CAPN2: variants seen among roughly 807,000 people sequenced by gnomAD.
CAPN2 encodes calpain-2 catalytic subunit.
A neutral mutation model predicts 102.3 loss-of-function variants in CAPN2; 92 were observed. The ratio of observed to expected loss-of-function variants is 0.90; its 90% CI spans 0.76 to 1.07. CAPN2 has a LOEUF of 1.07. CAPN2 is among the 50% of genes least tolerant of loss of function. The pLI is 0.00. For synonymous variants in CAPN2, 340 were observed against 355.4 expected (o/e 0.96, Z 0.49); for missense variants, 800 against 909.4 (o/e 0.88, Z 1.55).
In CAPN2 at chr1:223,745,447, GCCATCCTCCCCTGGCC is replaced by G. The variant is rs1427065515; in HGVS notation, c.560+13_560+28del. ...GGAGAAGGCATACGCCAAGTAAGTT[GCCATCCTCCCCTGGCC>G]CCATGGCCTTCCCCCAATGCCCTGG... On this transcript the variant is annotated intron_variant, in intron 4 of 20. Coordinates refer to ENST00000295006, the MANE Select transcript of CAPN2 (RefSeq NM_001748.5). The G allele has an allele frequency of 6.2e-7, 1 of 1,614,012 alleles. No homozygotes were observed. Among genetic ancestry groups the G allele is most frequent in the Non-Finnish European group, 8.5e-7 (1 of 1,180,008 alleles).
At position 223,754,112 on chromosome 1, in the gene CAPN2, C is replaced by T. The variant is rs28370088; in HGVS notation, c.1135+1156C>T. ...AGCGTGCTGGGATTTGAACCCAGGC[C>T]CCCTGACTGAGGAGTCACTGTGTAA... On this transcript the variant is annotated intron_variant, in intron 9 of 20. Coordinates refer to ENST00000295006, the MANE Select transcript of CAPN2 (RefSeq NM_001748.5). This position sits in a 1 kb window ranked among gnomAD's most constrained non-coding sequence, Gnocchi z 4.7. Among the ~76,000 whole-genome samples the T allele has an allele frequency of 0.1, 15,230 of 152,196 alleles. 841 individuals carry two copies. Among genetic ancestry groups the T allele is most frequent in the African/African-American group, 0.15 (6,382 of 41,524 alleles).
Position 223,771,918 on chromosome 1 carries a change from G to A in CAPN2, c.2013G>A (p.Thr671=), listed in dbSNP as rs145389568. ...NFVRCLVRLE[T]LFKIFKQLDP... ...TTCGGTGTTTGGTTCGGCTGGAAAC[G>A]CTATTCAGTAAGTGGATATTTGGGG... The change falls in exon 19 of 21, where the codon ACG becomes ACA. Residue 671 remains threonine (T), a synonymous_variant. Transcript: ENST00000295006. 6.8e-6 allele frequency: 11 copies of A among 1,606,158 alleles called. No individual in the cohort carries two copies. The highest frequency in any genetic ancestry group is 8.5e-6 in the Non-Finnish European group (10 of 1,172,826).
intron 8 of CAPN2, 79 bp from the exon 9 acceptor site, chr1:223,752,717 T>C: frequency 6.9e-7 from 1 of 1,441,050 alleles, no homozygotes; most frequent in African/African-American, 1.4e-5. Flanking sequence ...GGGTGGCTCC[T>C]GGTCTGGTGT....
Position 223,774,873 on chromosome 1 carries a change from G to A in CAPN2, c.*16G>A. 6.2e-7 allele frequency: 1 copy of A among 1,609,414 alleles called. No homozygotes were observed. The highest frequency in any genetic ancestry group is 1.3e-5 in the African/African-American group (1 of 74,790). Reference sequence around the variant, plus strand: ...AGTACTTTGAAGTTATAACTAATCTGCCTGAAGACTTCTCATGATGGAAAA... The same window carrying A: ...AGTACTTTGAAGTTATAACTAATCTACCTGAAGACTTCTCATGATGGAAAA... On this transcript the variant is annotated 3_prime_UTR_variant, in exon 21 of 21. Transcript: ENST00000295006.
In CAPN2 at chr1:223,759,070, G is replaced by A; in HGVS notation, c.1318-200G>A. 1 of 601,214 alleles carries A rather than the reference G, an allele frequency of 1.7e-6. No homozygotes were observed. The highest frequency in any genetic ancestry group is 2.8e-5 in the East Asian group (1 of 35,714). The allele number at this position is 601,214 out of a possible 1,614,324, so 37.2% of individuals were successfully genotyped here. ...TTTAAAAAAATTTTGTTGTTTTGTT[G>A]TTGTTGTCGTCGTTATATAGATGAG... On this transcript the variant is annotated intron_variant, in intron 11 of 20. Coordinates refer to ENST00000295006, the MANE Select transcript of CAPN2 (RefSeq NM_001748.5). The surrounding 1 kb of genome is among the most constrained non-coding windows in gnomAD (Gnocchi z 4.6).
chr1:223,752,799 G>A lies in CAPN2; in HGVS notation c.978G>A (p.Met326Ile), dbSNP rs1239799215. The A allele has an allele frequency of 6.2e-7, 1 of 1,613,908 alleles. No homozygotes were observed. The highest frequency in any genetic ancestry group is 8.5e-7 in the Non-Finnish European group (1 of 1,179,974). Reference sequence around the variant, plus strand: ...TGATTGTCTCTGCTTTTGCCAGGATGTCTTTCAGTGACTTCCTGAGGCACT... The same window carrying A: ...TGATTGTCTCTGCTTTTGCCAGGATATCTTTCAGTGACTTCCTGAGGCACT... ...TRRHEDGEFW[M>I]SFSDFLRHYS... is the part of the protein sequence containing the mutation. The change falls in exon 9 of 21, where the codon ATG (methionine) becomes ATA (isoleucine). Residue 326 changes from methionine to isoleucine, a missense_variant. Transcript: ENST00000295006.
chr1:223,764,260 G>T, intron 15 of CAPN2, 53 bp downstream of exon 15: 2 of 1,480,072 alleles, frequency 1.4e-6, no homozygotes, highest in South Asian at 1.1e-5. Context: ...CTGTGGATGG[G>T]AGGGAACATG....
chr1:223,725,638 T>A lies in CAPN2; in HGVS notation c.307+7807T>A, dbSNP rs990477024. Among the ~76,000 whole-genome samples, 10 of 152,126 alleles carry A rather than the reference T, an allele frequency of 6.6e-5. No individual in the cohort carries two copies. Among genetic ancestry groups the A allele is most frequent in the Non-Finnish European group, 8.8e-5 (6 of 68,024 alleles). On this transcript the variant is annotated intron_variant, in intron 2 of 20. Coordinates refer to ENST00000295006, the MANE Select transcript of CAPN2 (RefSeq NM_001748.5). The surrounding 1 kb of genome is among the most constrained non-coding windows in gnomAD (Gnocchi z 4.1). ...TTAGCACTTGACATTGGCGGCCACC[T>A]AAGTTTTGGAGAGGGGTATGACAGA...
chr1:223,750,381 T>C (rs1366495438), intron 6 of CAPN2, among the ~76,000 whole-genome samples: 2 of 152,208 alleles, frequency 1.3e-5, no homozygotes, highest in African/African-American at 2.4e-5. Flanking sequence ...CCTCTACTGT[T>C]GCCACACCTA....
intron 2 of CAPN2, among the ~76,000 whole-genome samples, chr1:223,722,432 C>A (rs1660077132): frequency 6.6e-6 from 1 of 151,260 alleles, no homozygotes; most frequent in Non-Finnish European, 1.5e-5. Flanking sequence ...GGACTACAGG[C>A]ACGCACCACC....
chr1:223,745,328 T>C lies in CAPN2; in HGVS notation c.449T>C (p.Val150Ala). The change falls in exon 4 of 21, where the codon GTG becomes GCG. Residue 150 changes from valine to alanine, a missense_variant. Val to Ala is a moderately conservative substitution (Grantham distance 64). Coordinates refer to ENST00000295006, the MANE Select transcript of CAPN2 (RefSeq NM_001748.5). The stretch of plus-strand genomic sequence containing the variant: ...CAGTTCTGGCAATACGGCGAGTGGG[T>C]GGAGGTGGTGGTGGATGACAGGCTG... ...HFQFWQYGEW[V>A]EVVVDDRLPT... 2 of 1,613,948 alleles carry C rather than the reference T, an allele frequency of 1.2e-6. No individual in the cohort carries two copies. Among genetic ancestry groups the C allele is most frequent in the Non-Finnish European group, 1.7e-6 (2 of 1,179,984 alleles).
rs1281450406 is a variant in CAPN2 at position 223,759,433 on chromosome 1, A to T, written c.1481A>T (p.Asp494Val). Residue 494 changes from aspartate to valine, a missense_variant, in exon 12 of 21, where the codon GAT (aspartate) becomes GTT (valine). Transcript: ENST00000295006. This position sits in a 1 kb window ranked among gnomAD's most constrained non-coding sequence, Gnocchi z 4.6. ...CCTTCCACCTTCGAACCCAACAAGG[A>T]TGGGGATTTCTGCATCCGGGTCTTT... ...LVPSTFEPNK[D>V]GDFCIRVFSE... 1 of 1,614,116 alleles carries T rather than the reference A, an allele frequency of 6.2e-7. No individual in the cohort carries two copies. The highest frequency in any genetic ancestry group is 8.5e-7 in the Non-Finnish European group (1 of 1,180,028).
In CAPN2 at chr1:223,759,568, C is replaced by T. The variant is rs1661135349; in HGVS notation, c.1529+87C>T. On this transcript the variant is annotated intron_variant, in intron 12 of 20. Coordinates refer to ENST00000295006, the MANE Select transcript of CAPN2 (RefSeq NM_001748.5). This position sits in a 1 kb window ranked among gnomAD's most constrained non-coding sequence, Gnocchi z 4.6. ...TCGGCCCCTAGAGGGCTCTTTCATC[C>T]TCTGAATGTCAGTTACTTTTTCTGT... is the stretch of plus-strand genomic sequence containing the variant. 2 of 1,059,764 alleles carry T rather than the reference C, an allele frequency of 1.9e-6. No individual in the cohort carries two copies. The highest frequency in any genetic ancestry group is 2.2e-5 in the Admixed American group (1 of 46,266). The allele number at this position is 1,059,764 out of a possible 1,614,324, so 65.6% of individuals were successfully genotyped here.
chr1:223,737,203 A>C (rs1660476066), intron 2 of CAPN2, among the ~76,000 whole-genome samples: 1 of 152,084 alleles, frequency 6.6e-6, no homozygotes. Context: ...AGAGGAAGCA[A>C]GGCAGAAAAC....
Position 223,771,850 on chromosome 1 carries a change from C to T in CAPN2, c.1945C>T (p.Arg649Trp), listed in dbSNP as rs143262618. Residue 649 changes from arginine to tryptophan, a missense_variant, in exon 19 of 21, where the codon CGG (arginine) becomes TGG (tryptophan). By Grantham distance (101) the Arg-to-Trp change is moderately radical. Coordinates refer to ENST00000295006, the MANE Select transcript of CAPN2 (RefSeq NM_001748.5). Reference sequence around the variant, plus strand: ...TCAACTCCACCAAGTCATCGTTGCTCGGTTTGCAGATGACCAGCTCATCAT... The same window carrying T: ...TCAACTCCACCAAGTCATCGTTGCTTGGTTTGCAGATGACCAGCTCATCAT... ...PCQLHQVIVA[R>W]FADDQLIIDF... 10 of 1,613,970 alleles carry T rather than the reference C, an allele frequency of 6.2e-6. No individual in the cohort carries two copies. Among genetic ancestry groups the T allele is most frequent in the African/African-American group, 5.3e-5 (4 of 74,928 alleles).
rs949173458 is a variant in CAPN2 at position 223,754,527 on chromosome 1, A to G, written c.1136-953A>G. Among the ~76,000 whole-genome samples, 2 of 152,286 alleles carry G rather than the reference A, an allele frequency of 1.3e-5. No homozygotes were observed. The highest frequency in any genetic ancestry group is 2.9e-5 in the Non-Finnish European group (2 of 68,052). Reference sequence around the variant, plus strand: ...ACGTTCCAATAAAACGTTATTTACAAAAACAGGCAGCGGCCTTCGGAGCCA... The same window carrying G: ...ACGTTCCAATAAAACGTTATTTACAGAAACAGGCAGCGGCCTTCGGAGCCA... On this transcript the variant is annotated intron_variant, in intron 9 of 20. Transcript: ENST00000295006. The surrounding 1 kb of genome is among the most constrained non-coding windows in gnomAD (Gnocchi z 4.7).
At chr1:223,769,581 T>A (rs886916915) in intron 16 of CAPN2, among the ~76,000 whole-genome samples, 3 of 152,098 alleles carry the variant, frequency 2.0e-5, no homozygotes, top group African/African-American at 7.2e-5. Context: ...TACCTCATTT[T>A]TAGTAGTATC....
At chr1:223,772,716 T>C (rs1661514160) in intron 20 of CAPN2, 1 of 156,956 alleles carries the variant, frequency 6.4e-6, no homozygotes, top group Non-Finnish European at 1.4e-5. Context: ...GTAAATACGT[T>C]TGCCATTTAT....
intron 2 of CAPN2, among the ~76,000 whole-genome samples, chr1:223,737,713 G>A (rs112199719): frequency 5.2e-5 from 2 of 38,232 alleles, no homozygotes; most frequent in African/African-American, 9.2e-5. Context: ...GGGGCGGGGG[G>A]TGGGGGGGAG....
Sources: gnomAD v4.1 joint callset for allele counts (sites outside exome capture counted in the v4.1 genomes callset) on GRCh38, gnomAD v4.1.1 for gene constraint, Gnocchi (gnomAD v3.1) non-coding constraint, MANE v1.5 for transcripts, NCBI Gene and HGNC (gene_info 2026-07-23, HGNC 2026-07-21) for gene names.